SLC24A2: variants seen among roughly 807,000 people sequenced by gnomAD.
SLC24A2 encodes the protein solute carrier family 24 member 2, also known as sodium/potassium/calcium exchanger 2.
A neutral mutation model predicts 62.0 loss-of-function variants in SLC24A2; 36 were observed. The ratio of observed to expected loss-of-function variants is 0.58; its 90% CI spans 0.44 to 0.77. The LOEUF is 0.77. SLC24A2 is among the 30% of genes least tolerant of loss of function. The pLI is 0.00. For synonymous variants in SLC24A2, 358 were observed against 294.0 expected (o/e 1.22, Z -2.23); for missense variants, 846 against 817.9 (o/e 1.03, Z -0.42).
chr9:19,970,142 C>A, the SLC24A2 span, among the ~76,000 whole-genome samples: 1 of 152,144 alleles, frequency 6.6e-6, no homozygotes, highest in Admixed American at 6.6e-5. Flanking sequence ...CACCCCTCCA[C>A]GCATAACCAC....
At chr9:19,561,560 G>A (rs990211678) in intron 7 of SLC24A2, among the ~76,000 whole-genome samples, 21 of 149,232 alleles carry the variant, frequency 1.4e-4, no homozygotes, top group African/African-American at 5.0e-4. Context: ...TCAGCCTCCC[G>A]AGTAGCTGGG....
the SLC24A2 span, among the ~76,000 whole-genome samples, chr9:19,979,468 G>C: frequency 7.9e-5 from 12 of 152,230 alleles, no homozygotes; most frequent in African/African-American, 2.4e-4. Context: ...TTGTTCATTT[G>C]TTTAGACAAA....
chr9:20,182,069 C>T, the SLC24A2 span, among the ~76,000 whole-genome samples: 66 of 152,268 alleles, frequency 4.3e-4, 1 homozygote, highest in East Asian at 0.012. Flanking sequence ...AAATCAAAAC[C>T]ACAATGAGAT....
At chr9:19,848,248 C>A in the SLC24A2 span, among the ~76,000 whole-genome samples, 2 of 152,036 alleles carry the variant, frequency 1.3e-5, no homozygotes, top group South Asian at 2.1e-4. Context: ...TTAATTTTTA[C>A]CAACCAAGAG....
At chr9:20,289,945 C>G in the SLC24A2 span, among the ~76,000 whole-genome samples, 2 of 152,132 alleles carry the variant, frequency 1.3e-5, no homozygotes, top group African/African-American at 4.8e-5. Flanking sequence ...AAACACACAG[C>G]CACACACACA....
intron 8 of SLC24A2, among the ~76,000 whole-genome samples, chr9:19,533,520 G>A (rs1833806398): frequency 1.3e-5 from 2 of 152,218 alleles, no homozygotes; most frequent in Admixed American, 6.5e-5. Flanking sequence ...GATCTCAAGA[G>A]GGCTTTGTAG....
the SLC24A2 span, among the ~76,000 whole-genome samples, chr9:20,170,783 A>G: frequency 6.6e-6 from 1 of 152,084 alleles, no homozygotes; most frequent in African/African-American, 2.4e-5. Context: ...AAAAGTTTGT[A>G]AAACATATTT....
chr9:19,520,842 C>G (rs548967381), intron 10 of SLC24A2, 52 bp downstream of exon 10: 49 of 1,568,618 alleles, frequency 3.1e-5, no homozygotes. Flanking sequence ...TCTAAGAAGA[C>G]AAAGACACTG....
chr9:19,606,164 C>T (rs988647675), intron 4 of SLC24A2, among the ~76,000 whole-genome samples: 3 of 152,054 alleles, frequency 2.0e-5, no homozygotes, highest in African/African-American at 7.2e-5. Context: ...GATAGGAAAC[C>T]TTGCATGACC....
the SLC24A2 span, among the ~76,000 whole-genome samples, chr9:20,165,995 A>G: frequency 6.6e-6 from 1 of 151,938 alleles, no homozygotes; most frequent in Non-Finnish European, 1.5e-5. Context: ...CATGAGCAAA[A>G]AATTCACCAA....
chr9:19,659,427 T>A (rs150392149), intron 2 of SLC24A2, among the ~76,000 whole-genome samples: 1 of 152,210 alleles, frequency 6.6e-6, no homozygotes, highest in Non-Finnish European at 1.5e-5. Flanking sequence ...CATTTACTTA[T>A]GTCTTTGGAA....
At chr9:20,078,195 C>A in the SLC24A2 span, among the ~76,000 whole-genome samples, 1 of 152,168 alleles carries the variant, frequency 6.6e-6, no homozygotes, top group Non-Finnish European at 1.5e-5. Context: ...CAGTGCCAGA[C>A]TGTGCACTCC....
chr9:19,700,874 T>C (rs1016507590), intron 2 of SLC24A2, among the ~76,000 whole-genome samples: 1 of 152,188 alleles, frequency 6.6e-6, no homozygotes, highest in African/African-American at 2.4e-5. Flanking sequence ...CTCATGGTGT[T>C]ACTGCTATTC....
chr9:19,778,844 T>C (rs932351143), intron 2 of SLC24A2, among the ~76,000 whole-genome samples: 78 of 152,076 alleles, frequency 5.1e-4, no homozygotes, highest in African/African-American at 1.7e-3. Flanking sequence ...CACAAAGATA[T>C]TGCCACAAAA....
the SLC24A2 span, among the ~76,000 whole-genome samples, chr9:20,216,646 AT>A: frequency 1.3e-5 from 2 of 152,126 alleles, no homozygotes; most frequent in Non-Finnish European, 2.9e-5. Flanking sequence ...CCAGTGTCTC[AT>A]TTTTGGTAGG....
chr9:19,744,590 T>C (rs781518060), intron 2 of SLC24A2, among the ~76,000 whole-genome samples: 6 of 152,164 alleles, frequency 3.9e-5, no homozygotes, highest in Non-Finnish European at 5.9e-5. Context: ...TGTTGTCACA[T>C]GGAAAGGAAG....
At chr9:19,998,313 C>T in the SLC24A2 span, among the ~76,000 whole-genome samples, 1 of 152,118 alleles carries the variant, frequency 6.6e-6, no homozygotes, top group South Asian at 2.1e-4. Flanking sequence ...CCTGAACTCG[C>T]CCACACATAC....
At chr9:20,042,933 A>T in the SLC24A2 span, among the ~76,000 whole-genome samples, 1 of 152,186 alleles carries the variant, frequency 6.6e-6, no homozygotes, top group East Asian at 1.9e-4. Context: ...GATAAATGTT[A>T]TGTGTATTTT....
chr9:19,953,215 A>AT, the SLC24A2 span, among the ~76,000 whole-genome samples: 1 of 151,872 alleles, frequency 6.6e-6, no homozygotes, highest in South Asian at 2.1e-4. Context: ...CCCAAAGAAT[A>AT]TTTTTTCTGT....
Sources: gnomAD v4.1 joint callset for allele counts (sites outside exome capture counted in the v4.1 genomes callset) on GRCh38, gnomAD v4.1.1 for gene constraint, MANE v1.5 for transcripts, NCBI Gene and HGNC (gene_info 2026-07-23, HGNC 2026-07-21) for gene names.